The following CNTN4 variants were observed in gnomAD, a reference collection of about 807,000 sequenced individuals.
CNTN4 encodes the protein contactin 4, also known as contactin-4.
In CNTN4, 77 loss-of-function variants were observed where a neutral mutation model predicts 122.5. The ratio of observed to expected loss-of-function variants is 0.63; its 90% CI spans 0.52 to 0.76. The LOEUF (loss-of-function observed/expected upper bound fraction) is 0.76. CNTN4 is among the 30% of genes least tolerant of loss of function. The probability of loss-of-function intolerance (pLI) is 0.00; values close to 1 mark genes in which losing one functional copy is unlikely to be tolerated. For missense variants in CNTN4, 1,256 were observed against 1,259.1 expected (o/e 1.00, Z 0.04); for synonymous variants, 512 against 447.0 (o/e 1.15, Z -1.83).
intron 7 of CNTN4, among the ~76,000 whole-genome samples, chr3:2,839,057 A>G (rs953694374): frequency 6.6e-6 from 1 of 152,112 alleles, no homozygotes; most frequent in East Asian, 1.9e-4. Flanking sequence ...TAGCTTGGTG[A>G]CAGCCTGTAA....
intron 3 of CNTN4, among the ~76,000 whole-genome samples, chr3:2,386,165 C>T (rs190329693): frequency 1.3e-5 from 2 of 152,096 alleles, no homozygotes; most frequent in East Asian, 3.9e-4. Context: ...ACATGGTTCC[C>T]AGAAGGGAAA....
At chr3:2,729,864 A>G (rs1442208747) in intron 4 of CNTN4, among the ~76,000 whole-genome samples, 1 of 152,194 alleles carries the variant, frequency 6.6e-6, no homozygotes. Flanking sequence ...CAGTGAGCAG[A>G]GATCAAGCCA....
At chr3:2,387,391 AG>A (rs2046291519) in intron 3 of CNTN4, among the ~76,000 whole-genome samples, 2 of 152,090 alleles carry the variant, frequency 1.3e-5, no homozygotes, top group Admixed American at 1.3e-4. Context: ...TTAAAAAATA[AG>A]TGTACAGCAC....
chr3:2,246,873 G>A (rs1430563710), intron 2 of CNTN4, among the ~76,000 whole-genome samples: 1 of 151,954 alleles, frequency 6.6e-6, no homozygotes. Context: ...GATTTGTTCA[G>A]TGTAATGTGG....
intron 23 of CNTN4, among the ~76,000 whole-genome samples, chr3:3,047,476 C>T (rs1700782003): frequency 6.6e-6 from 1 of 151,628 alleles, no homozygotes; most frequent in Admixed American, 6.6e-5. Context: ...AAGAAACTCA[C>T]TCAAAACCGC....
intron 6 of CNTN4, among the ~76,000 whole-genome samples, chr3:2,795,230 T>G (rs115671763): frequency 0.01 from 1,584 of 152,256 alleles, 32 homozygotes; most frequent in African/African-American, 0.035. Context: ...GCAAATAATC[T>G]AAATTAGGCA....
chr3:2,667,993 A>T (rs1455586658), intron 4 of CNTN4, among the ~76,000 whole-genome samples: 1 of 152,080 alleles, frequency 6.6e-6, no homozygotes, highest in African/African-American at 2.4e-5. Context: ...TGGTTACTGT[A>T]GCCTTGTAGT....
chr3:2,909,617 C>A (rs1173550412), intron 12 of CNTN4, among the ~76,000 whole-genome samples: 8 of 152,062 alleles, frequency 5.3e-5, no homozygotes, highest in African/African-American at 1.9e-4. Flanking sequence ...AGGCATTTTT[C>A]CTTAAAGCTC....
At chr3:2,350,869 GAGAGAAAACTTTC>G (rs1230365062) in intron 3 of CNTN4, among the ~76,000 whole-genome samples, 2 of 152,136 alleles carry the variant, frequency 1.3e-5, no homozygotes, top group African/African-American at 2.4e-5. Context: ...AAATATGCAT[GAGAGAAAACTTTC>G]ATGTTTGAAG....
At chr3:2,902,792 T>A in intron 11 of CNTN4, 84 bp from the exon 12 acceptor site, 2 of 1,422,434 alleles carry the variant, frequency 1.4e-6, no homozygotes, top group East Asian at 2.4e-5. Context: ...CCATTAAGCT[T>A]CCTTGATATT....
At chr3:2,732,054 C>G (rs6808972) in intron 4 of CNTN4, among the ~76,000 whole-genome samples, 86,809 of 152,034 alleles carry the variant, frequency 0.57, 28,756 homozygotes, top group Non-Finnish European at 0.75. Context: ...GCTTCCCTCT[C>G]AACTATTAGT....
chr3:2,620,816 A>T (rs2081962118), intron 4 of CNTN4, among the ~76,000 whole-genome samples: 1 of 152,108 alleles, frequency 6.6e-6, no homozygotes, highest in Non-Finnish European at 1.5e-5. Context: ...CTTTGACACA[A>T]AGCACTCTAA....
intron 4 of CNTN4, among the ~76,000 whole-genome samples, chr3:2,683,674 A>G (rs1440463175): frequency 2.0e-5 from 3 of 152,210 alleles, no homozygotes; most frequent in African/African-American, 7.2e-5. Context: ...CAGAACAAGA[A>G]CCCAGTAAGG....
rs548086384 is a variant in CNTN4, at chr3:2,347,955, T to C, written c.-89+8722T>C. Among the ~76,000 whole-genome samples, 6 of 152,156 alleles carry C rather than the reference T, an allele frequency of 3.9e-5. No individual in the cohort carries two copies. In the South Asian group the frequency reaches 1.2e-3, roughly 32 times the overall value. On this transcript the variant is annotated intron_variant, in intron 3 of 24. Coordinates refer to ENST00000418658, the MANE Select transcript of CNTN4 (RefSeq NM_175607.3). ...ATTTCTCCTCATGTTCATTAATCTT[T>C]TATTATTTTTATTGTTTATACTGTA...
intron 4 of CNTN4, among the ~76,000 whole-genome samples, chr3:2,734,112 C>T (rs939898897): frequency 1.3e-5 from 2 of 152,066 alleles, no homozygotes; most frequent in Non-Finnish European, 2.9e-5. Context: ...CAAGCTGGAG[C>T]CTGCTGGCAA....
intron 6 of CNTN4, among the ~76,000 whole-genome samples, chr3:2,774,072 A>T (rs1196030564): frequency 1.3e-5 from 2 of 151,904 alleles, no homozygotes; most frequent in East Asian, 3.9e-4. Flanking sequence ...GATTTAGTAG[A>T]CTTTTGACCA....
In CNTN4 at chr3:2,629,885, T is replaced by C. The variant is rs566755634; in HGVS notation, c.55+58327T>C. Among the ~76,000 whole-genome samples, 11 of 152,274 alleles carry C rather than the reference T, an allele frequency of 7.2e-5. No homozygotes were observed. The East Asian group carries it at 2.1e-3, about 29-fold the overall frequency. ...ATGGACATTTCCCGCCAGCCCAACC[T>C]GCCGCAGAAACTCAATTTGAGGGTT... On this transcript the variant is annotated intron_variant, in intron 4 of 24. Transcript: ENST00000418658.
chr3:2,264,246 T>C (rs2040953229), intron 2 of CNTN4, among the ~76,000 whole-genome samples: 1 of 152,162 alleles, frequency 6.6e-6, no homozygotes, highest in African/African-American at 2.4e-5. Flanking sequence ...GTGTATAAGC[T>C]TTCCCCTTTC....
At chr3:2,161,623 T>A (rs1400473827) in intron 2 of CNTN4, among the ~76,000 whole-genome samples, 3 of 152,150 alleles carry the variant, frequency 2.0e-5, no homozygotes, top group Non-Finnish European at 4.4e-5. Flanking sequence ...ATTTTTTTCC[T>A]GGTGAAATAA....
Sources: allele counts gnomAD v4.1 joint callset (sites outside exome capture counted in the v4.1 genomes callset), GRCh38; gene constraint gnomAD v4.1.1; transcripts MANE v1.5; gene names NCBI Gene and HGNC (gene_info 2026-07-23, HGNC 2026-07-21).